MKI67: variants seen among roughly 807,000 people sequenced by gnomAD.
MKI67 encodes proliferation marker protein Ki-67.
In MKI67, 152 loss-of-function variants were observed where a neutral mutation model predicts 233.5. That is an observed-to-expected ratio of 0.65 (90% CI 0.57 to 0.74). The LOEUF is 0.74. Ranked by LOEUF, MKI67 falls within the 30% of genes least tolerant of loss-of-function variation. MKI67 has a pLI of 0.00. For missense variants in MKI67, 3,940 were observed against 3,885.2 expected (o/e 1.01, Z -0.37); for synonymous variants, 1,465 against 1,418.5 (o/e 1.03, Z -0.74).
chr10:128,123,175 T>C lies in MKI67; in HGVS notation c.93-6A>G, dbSNP rs368014047. 6 of 1,608,822 alleles carry C rather than the reference T, an allele frequency of 3.7e-6. No homozygotes were observed. The African/African-American group carries it at 5.3e-5, about 14-fold the overall frequency. ...GGATGTCACATTCAATACCCCTTCA[T>C]GCAAAAGAAGAAGGTTTTTTTGGTT... On this transcript the variant is annotated splice_polypyrimidine_tract_variant and splice_region_variant and intron_variant, in intron 2 of 14. Coordinates refer to ENST00000368654, the MANE Select transcript of MKI67 (RefSeq NM_002417.5).
intron 4 of MKI67, among the ~76,000 whole-genome samples, chr10:128,121,411 ATGTAT>A (rs1852934966): frequency 7.0e-6 from 1 of 142,340 alleles, no homozygotes; most frequent in Non-Finnish European, 1.5e-5. Flanking sequence ...TATATTGTAT[ATGTAT>A]TATATATACC....
At chr10:128,116,831 C>T (rs1007528724) in intron 5 of MKI67, among the ~76,000 whole-genome samples, 1 of 152,134 alleles carries the variant, frequency 6.6e-6, no homozygotes, top group Non-Finnish European at 1.5e-5. Context: ...TGCTGGAACC[C>T]GGGAGGCAGA....
chr10:128,108,929 G>A lies in MKI67; in HGVS notation c.2911C>T (p.Pro971Ser), dbSNP rs1228404549. Residue 971 changes from proline (P) to serine (S), a missense_variant, in exon 13 of 15, where the codon CCT becomes TCT. Physicochemically the swap from Pro to Ser is moderately conservative, Grantham distance 74 (BLOSUM62 -1). Transcript: ENST00000368654. ...GTGTCTTTCATGAGTTCTGTATCAGGCAAGCTCTTGAGGTCTGTCAGGTCA... is the reference window on the plus strand; with the variant it reads ...GTGTCTTTCATGAGTTCTGTATCAGACAAGCTCTTGAGGTCTGTCAGGTCA... ...MSDLTDLKSL[P>S]DTELMKDTAR... 13 of 1,614,236 alleles carry A rather than the reference G, an allele frequency of 8.1e-6. No homozygotes were observed. Among genetic ancestry groups the A allele is most frequent in the Non-Finnish European group, 1.1e-5 (13 of 1,180,044 alleles).
chr10:128,106,338 G>A lies in MKI67; in HGVS notation c.5502C>T (p.Gly1834=). The change falls in exon 13 of 15, where the codon GGC becomes GGT. Residue 1834 remains glycine, a synonymous_variant. Transcript: ENST00000368654. ...ATGGTGTCTGGAAAAGCTCTCTGAA[G>A]CCAGTCAGTTCTTCTAGAGCCTGGG... The part of the protein sequence containing the change: ...EKAQALEELT[G]FRELFQTPCT... The A allele has an allele frequency of 6.2e-7, 1 of 1,613,820 alleles. No individual in the cohort carries two copies. Among genetic ancestry groups the A allele is most frequent in the Non-Finnish European group, 8.5e-7 (1 of 1,179,940 alleles).
At chr10:128,116,647 C>T in intron 5 of MKI67, 111 bp from the exon 6 acceptor site, 2 of 1,071,608 alleles carry the variant, frequency 1.9e-6, no homozygotes, top group Non-Finnish European at 2.8e-6. Flanking sequence ...TGGCTCATGC[C>T]TGTAATCCCA....
In MKI67 at chr10:128,122,903, T is replaced by A. The variant is rs1213032830; in HGVS notation, c.265A>T (p.Thr89Ser). The A allele has an allele frequency of 6.3e-7, 1 of 1,584,690 alleles. No individual in the cohort carries two copies. The highest frequency in any genetic ancestry group is 8.6e-7 in the Non-Finnish European group (1 of 1,159,086). The stretch of plus-strand genomic sequence containing the variant: ...TACCTGAAGGAACGATCAATAATAG[T>A]TATTACATCTCCATGTTTTAGCCGT... ...PVRLKHGDVI[T>S]IIDRSFRYEN... The change falls in exon 4 of 15, where the codon ACT becomes TCT. Residue 89 changes from threonine to serine, a missense_variant. Transcript: ENST00000368654.
chr10:128,102,432 T>G (rs1233906999), intron 13 of MKI67, 147 bp downstream of exon 13: 1 of 967,964 alleles, frequency 1.0e-6, no homozygotes, highest in African/African-American at 1.6e-5. Context: ...GAAGATTCTT[T>G]ACCATGGCCT....
At chr10:128,124,703 C>T (rs547417689) in intron 2 of MKI67, among the ~76,000 whole-genome samples, 14 of 152,300 alleles carry the variant, frequency 9.2e-5, no homozygotes, top group African/African-American at 2.9e-4. Flanking sequence ...ACCCCTGAAG[C>T]TGTGGGGTTG....
Position 128,109,351 on chromosome 10 carries a change from A to AG in MKI67, c.2488_2489insC (p.Leu830SerfsTer7), listed in dbSNP as rs756812390. 6.2e-7 allele frequency: 1 copy of AG among 1,614,170 alleles called. No homozygotes were observed. The highest frequency in any genetic ancestry group is 8.5e-7 in the Non-Finnish European group (1 of 1,180,024). On this transcript the variant is annotated frameshift_variant, in exon 13 of 15. Coordinates refer to ENST00000368654, the MANE Select transcript of MKI67 (RefSeq NM_002417.5). LOFTEE classifies it high-confidence loss of function. Reference sequence around the variant, plus strand: ...ATTTTCTCTAATACACTGCCGTCTTAAGGGAGGGCTTGCAGAGCATTTATC... The same window carrying AG: ...ATTTTCTCTAATACACTGCCGTCTTAGAGGGAGGGCTTGCAGAGCATTTATC...
In MKI67 at chr10:128,107,377, T is replaced by C. The variant is rs1349034230; in HGVS notation, c.4463A>G (p.Lys1488Arg). Residue 1488 changes from lysine (K) to arginine (R), a missense_variant, in exon 13 of 15, where the codon AAA becomes AGA. By Grantham distance (26) the Lys-to-Arg change is conservative. Transcript: ENST00000368654. The stretch of plus-strand genomic sequence containing the variant: ...TGATCTGCAGGCTATTTTGGTAGTT[T>C]TCTCGTGAGTCGTGGGCTTGTCAGT... ...VCTDKPTTHE[K>R]TTKIACRSQP... 1.2e-6 allele frequency: 2 copies of C among 1,613,526 alleles called. No homozygotes were observed. The highest frequency in any genetic ancestry group is 4.5e-5 in the East Asian group (2 of 44,816).
chr10:128,125,904 A>C lies in MKI67; in HGVS notation c.-89-148T>G. On this transcript the variant is annotated intron_variant, in intron 1 of 14. Transcript: ENST00000368654. The surrounding 1 kb of genome is among the most constrained non-coding windows in gnomAD (Gnocchi z 5.3). Reference sequence around the variant, plus strand: ...CCGACCGCAGCCCCCGGCGCCCCAAAGTCCGGCAGCTGGGGTGTTGTCGCC... The same window carrying C: ...CCGACCGCAGCCCCCGGCGCCCCAACGTCCGGCAGCTGGGGTGTTGTCGCC... The C allele has an allele frequency of 1.9e-6, 1 of 521,210 alleles. No individual in the cohort carries two copies. 32.3% of individuals were successfully genotyped at this position (521,210 alleles called of 1,614,324 possible).
At chr10:128,114,454 T>G (rs1467652991) in intron 7 of MKI67, among the ~76,000 whole-genome samples, 17 of 152,166 alleles carry the variant, frequency 1.1e-4, no homozygotes, top group African/African-American at 4.1e-4. Context: ...AGTCCAGTGT[T>G]TACAGCAAAT....
In MKI67 at chr10:128,102,268, A is replaced by G. The variant is rs560986550; in HGVS notation, c.9261+311T>C. ...GTCTTGGTGACAGTATCCAGAACAT[A>G]GAACTGAACCACCCACCTATCCTCT... On this transcript the variant is annotated intron_variant, in intron 13 of 14. Coordinates refer to ENST00000368654, the MANE Select transcript of MKI67 (RefSeq NM_002417.5). Among the ~76,000 whole-genome samples the G allele has an allele frequency of 9.2e-5, 14 of 152,376 alleles. No individual in the cohort carries two copies. The South Asian group carries it at 2.9e-3, about 32-fold the overall frequency.
In MKI67 at chr10:128,119,794, C is replaced by A. The variant is rs1852893287; in HGVS notation, c.288-475G>T. Among the ~76,000 whole-genome samples the A allele has an allele frequency of 2.6e-5, 4 of 152,324 alleles. No homozygotes were observed. The South Asian group carries it at 6.2e-4, about 24-fold the overall frequency. On this transcript the variant is annotated intron_variant, in intron 4 of 14. Transcript: ENST00000368654. ...CTACACTTACACTACAGGGTAACTA[C>A]AAACCTATATTTTAGAACACTATGA...
At position 128,099,182 on chromosome 10, in the gene MKI67, T is replaced by C. The variant is rs779913758; in HGVS notation, c.*8A>G. 3.1e-6 allele frequency: 5 copies of C among 1,606,702 alleles called. No homozygotes were observed. The Admixed American group carries it at 8.4e-5, about 27-fold the overall frequency. On this transcript the variant is annotated 3_prime_UTR_variant, in exon 15 of 15. Coordinates refer to ENST00000368654, the MANE Select transcript of MKI67 (RefSeq NM_002417.5). ...CTTTATTATATTTTTCCCAGTTCGA[T>C]TTTTCTGTCAAATATCTTCACTGTC...
chr10:128,116,123 G>T, intron 6 of MKI67, 116 bp from the exon 7 acceptor site: 1 of 1,228,220 alleles, frequency 8.1e-7, no homozygotes. Flanking sequence ...GCTTTTACTT[G>T]GCCTACAAAT....
rs1354122141 is a variant in MKI67 at position 128,113,496 on chromosome 10, C to T, written c.1587G>A (p.Arg529=). ...ENLPPNTPLK[R]GEAPTKRKSL... is the part of the protein sequence containing the mutation. Reference sequence around the variant, plus strand: ...ACTTTCTTTTGGTTGGGGCTTCTCCCCTTTTGAGAGGCGTATTAGGAGGCA... The same window carrying T: ...ACTTTCTTTTGGTTGGGGCTTCTCCTCTTTTGAGAGGCGTATTAGGAGGCA... The change falls in exon 8 of 15, where the codon AGG becomes AGA. Residue 529 remains arginine (R), a synonymous_variant. Coordinates refer to ENST00000368654, the MANE Select transcript of MKI67 (RefSeq NM_002417.5). 11 of 1,613,986 alleles carry T rather than the reference C, an allele frequency of 6.8e-6. No homozygotes were observed. Among genetic ancestry groups the T allele is most frequent in the Non-Finnish European group, 4.2e-6 (5 of 1,180,024 alleles).
chr10:128,111,540 T>TTTAAA, intron 11 of MKI67, 105 bp downstream of exon 11: 1 of 1,008,196 alleles, frequency 9.9e-7, no homozygotes, highest in Non-Finnish European at 1.4e-6. Context: ...TCGTTTATTT[T>TTTAAA]ATAATCTCTT....
intron 4 of MKI67, among the ~76,000 whole-genome samples, chr10:128,121,549 A>G (rs1158656356): frequency 1.5e-5 from 2 of 133,682 alleles, no homozygotes; most frequent in Non-Finnish European, 3.2e-5. Context: ...TTATAATTAT[A>G]TATGATTATA....
Sources: gnomAD v4.1 joint callset for allele counts (sites outside exome capture counted in the v4.1 genomes callset) on GRCh38, gnomAD v4.1.1 for gene constraint, Gnocchi (gnomAD v3.1) non-coding constraint, MANE v1.5 for transcripts, NCBI Gene and HGNC (gene_info 2026-07-23, HGNC 2026-07-21) for gene names.